MMP16: variants seen among roughly 807,000 people sequenced by gnomAD.
MMP16 encodes the protein matrix metalloproteinase-16.
A neutral mutation model predicts 67.8 loss-of-function variants in MMP16; 12 were observed. The ratio of observed to expected loss-of-function variants is 0.18; its 90% CI spans 0.11 to 0.29. The LOEUF (loss-of-function observed/expected upper bound fraction) is 0.29, where lower values mean the gene tolerates loss of function less well. Ranked by LOEUF, MMP16 falls within the 10% of genes least tolerant of loss-of-function variation. The probability of loss-of-function intolerance (pLI) is 1.00; values close to 1 mark genes in which losing one functional copy is unlikely to be tolerated. For synonymous variants in MMP16, 249 were observed against 255.9 expected (o/e 0.97, Z 0.26); for missense variants, 475 against 765.7 (o/e 0.62, Z 4.48).
intron 1 of MMP16, among the ~76,000 whole-genome samples, chr8:88,259,205 T>C (rs1247278915): frequency 1.3e-5 from 2 of 152,212 alleles, no homozygotes; most frequent in Non-Finnish European, 2.9e-5. Flanking sequence ...GCTACCTATA[T>C]ATAGTATACA....
intron 1 of MMP16, among the ~76,000 whole-genome samples, chr8:88,289,432 TCAAA>T (rs1810886056): frequency 6.6e-6 from 1 of 152,068 alleles, no homozygotes; most frequent in Non-Finnish European, 1.5e-5. Flanking sequence ...AAGTATGTCA[TCAAA>T]CAATTTTCAC....
chr8:88,079,347 T>C (rs955659603), intron 6 of MMP16, among the ~76,000 whole-genome samples: 1 of 152,174 alleles, frequency 6.6e-6, no homozygotes, highest in African/African-American at 2.4e-5. Context: ...TATATTGTTG[T>C]AATTGTTCTA....
intron 6 of MMP16, among the ~76,000 whole-genome samples, chr8:88,097,391 T>G (rs1307279434): frequency 6.6e-6 from 1 of 151,568 alleles, no homozygotes; most frequent in Non-Finnish European, 1.5e-5. Flanking sequence ...TTTGGGAGGC[T>G]GAGGTGATCA....
At chr8:88,208,027 G>C (rs755092271) in intron 1 of MMP16, among the ~76,000 whole-genome samples, 2 of 152,208 alleles carry the variant, frequency 1.3e-5, no homozygotes, top group African/African-American at 4.8e-5. Context: ...AGGATAAGTA[G>C]CTTCGGCTGA....
intron 4 of MMP16, among the ~76,000 whole-genome samples, chr8:88,147,178 G>C (rs1563545342): frequency 6.6e-6 from 1 of 151,840 alleles, no homozygotes; most frequent in East Asian, 1.9e-4. Flanking sequence ...AAAAACTATA[G>C]TTTTTTCTGA....
intron 1 of MMP16, among the ~76,000 whole-genome samples, chr8:88,308,843 T>C (rs1035656823): frequency 2.0e-5 from 3 of 151,914 alleles, no homozygotes; most frequent in Non-Finnish European, 2.9e-5. Context: ...AATTTTAATA[T>C]ATACAGAGCT....
intron 8 of MMP16, among the ~76,000 whole-genome samples, chr8:88,046,991 C>T (rs1209198102): frequency 6.6e-6 from 1 of 152,114 alleles, no homozygotes; most frequent in Non-Finnish European, 1.5e-5. Context: ...GGCATTTATT[C>T]TGTTTCTTCT....
chr8:88,050,891 G>C lies in MMP16; in HGVS notation c.1374-4107C>G, dbSNP rs1001012902. Among the ~76,000 whole-genome samples the C allele has an allele frequency of 2.0e-5, 3 of 152,128 alleles. No individual in the cohort carries two copies. In the South Asian group the frequency reaches 6.2e-4, roughly 31 times the overall value. On this transcript the variant is annotated intron_variant, in intron 8 of 9. Transcript: ENST00000286614. The stretch of plus-strand genomic sequence containing the variant: ...ATATGCCAGACTCATAGGATTCAGA[G>C]AGATCTCATTTCAGGAAAATGTTAA...
At chr8:88,057,974 A>G (rs1808352282) in intron 7 of MMP16, among the ~76,000 whole-genome samples, 1 of 152,098 alleles carries the variant, frequency 6.6e-6, no homozygotes. Flanking sequence ...AAAACAAAAA[A>G]CAGAGGTTGA....
chr8:88,252,660 A>G (rs1377363328), intron 1 of MMP16, among the ~76,000 whole-genome samples: 1 of 142,870 alleles, frequency 7.0e-6, no homozygotes, highest in Non-Finnish European at 1.5e-5. Flanking sequence ...AAAAAAAAAA[A>G]GGAAAGAAAT....
At chr8:88,082,296 G>A (rs757342222) in intron 6 of MMP16, among the ~76,000 whole-genome samples, 2 of 152,028 alleles carry the variant, frequency 1.3e-5, no homozygotes, top group African/African-American at 4.8e-5. Flanking sequence ...TTGTAGGAAT[G>A]GGCATCCGTA....
rs537838531 is a variant in MMP16, at chr8:88,053,928, G to A, written c.1373+2200C>T. Among the ~76,000 whole-genome samples, 5 of 151,970 alleles carry A rather than the reference G, an allele frequency of 3.3e-5. No homozygotes were observed. The South Asian group carries it at 1.0e-3, about 32-fold the overall frequency. On this transcript the variant is annotated intron_variant, in intron 8 of 9. Transcript: ENST00000286614. ...CATTTCTATATATTTTCTATATTTG[G>A]CATGTAGCTTTTCAAGCGGGGAGTA...
intron 1 of MMP16, among the ~76,000 whole-genome samples, chr8:88,283,485 C>T (rs374039603): frequency 6.6e-6 from 1 of 152,090 alleles, no homozygotes; most frequent in Non-Finnish European, 1.5e-5. Context: ...GATTAAATGA[C>T]ACGATAGGCA....
intron 1 of MMP16, among the ~76,000 whole-genome samples, chr8:88,289,160 A>C (rs1810881148): frequency 2.0e-5 from 3 of 152,158 alleles, no homozygotes; most frequent in African/African-American, 7.2e-5. Context: ...ACAGAAGAAG[A>C]GAGAGAGAAA....
intron 4 of MMP16, among the ~76,000 whole-genome samples, chr8:88,128,970 C>A (rs1052605379): frequency 1.5e-4 from 22 of 151,714 alleles, no homozygotes; most frequent in African/African-American, 4.8e-4. Context: ...AGAATAGAGA[C>A]CCTCACAGAA....
chr8:88,082,495 T>C (rs989072091), intron 6 of MMP16, among the ~76,000 whole-genome samples: 1 of 152,112 alleles, frequency 6.6e-6, no homozygotes, highest in Non-Finnish European at 1.5e-5. Flanking sequence ...TATACTATAA[T>C]AGAAGTAAAT....
At chr8:88,230,382 G>A (rs17666560) in intron 1 of MMP16, among the ~76,000 whole-genome samples, 6,760 of 152,166 alleles carry the variant, frequency 0.044, 176 homozygotes, top group Admixed American at 0.054. Flanking sequence ...CTCTGAAGCA[G>A]GCTACATAAA....
chr8:88,261,505 A>G (rs1480533729), intron 1 of MMP16, among the ~76,000 whole-genome samples: 1 of 152,052 alleles, frequency 6.6e-6, no homozygotes, highest in Non-Finnish European at 1.5e-5. Context: ...CATACTTAAT[A>G]GTATAATCGA....
intron 8 of MMP16, among the ~76,000 whole-genome samples, chr8:88,049,560 C>T (rs974780753): frequency 1.3e-5 from 2 of 152,120 alleles, no homozygotes; most frequent in African/African-American, 2.4e-5. Context: ...AACACTTTTT[C>T]ACATTTTACA....
Sources: gnomAD v4.1 joint callset for allele counts (sites outside exome capture counted in the v4.1 genomes callset) on GRCh38, gnomAD v4.1.1 for gene constraint, MANE v1.5 for transcripts, NCBI Gene and HGNC (gene_info 2026-07-23, HGNC 2026-07-21) for gene names.